Variants in SLC44A5 observed in about 807,000 individuals in gnomAD.
The protein encoded by SLC44A5 is choline transporter-like protein 5.
A neutral mutation model predicts 101.8 loss-of-function variants in SLC44A5; 57 were observed. The ratio of observed to expected loss-of-function variants is 0.56; its 90% CI spans 0.45 to 0.70. The LOEUF (loss-of-function observed/expected upper bound fraction) is 0.70, where lower values mean the gene tolerates loss of function less well. Among genes scored for constraint, SLC44A5 ranks in the 30% least tolerant of loss-of-function variants. The pLI, the probability that SLC44A5 is intolerant of heterozygous loss-of-function variation, is 0.00. For missense variants in SLC44A5, 737 were observed against 853.1 expected (o/e 0.86, Z 1.70); for synonymous variants, 281 against 290.9 (o/e 0.97, Z 0.35).
At chr1:75,335,425 T>C (rs559691640) in intron 4 of SLC44A5, among the ~76,000 whole-genome samples, 6 of 152,204 alleles carry the variant, frequency 3.9e-5, no homozygotes, top group Non-Finnish European at 7.3e-5. Context: ...GCAAACTACA[T>C]GAAAAACCTA....
chr1:75,449,326 T>C (rs1215658871), intron 2 of SLC44A5, among the ~76,000 whole-genome samples: 2 of 152,258 alleles, frequency 1.3e-5, no homozygotes, highest in Non-Finnish European at 2.9e-5. Context: ...TTCATGAGAC[T>C]GGTCTGGCTT....
intron 7 of SLC44A5, among the ~76,000 whole-genome samples, chr1:75,243,717 G>T (rs1255131935): frequency 6.6e-6 from 1 of 152,032 alleles, no homozygotes; most frequent in Non-Finnish European, 1.5e-5. Context: ...TACTGGTATA[G>T]TTTGGTTATT....
intron 1 of SLC44A5, among the ~76,000 whole-genome samples, chr1:75,562,510 C>T (rs1393158040): frequency 6.6e-6 from 1 of 151,964 alleles, no homozygotes; most frequent in African/African-American, 2.4e-5. Flanking sequence ...CCAGCCTGGG[C>T]AACATGGAGA....
At chr1:75,307,033 C>T (rs1384507924) in intron 4 of SLC44A5, among the ~76,000 whole-genome samples, 1 of 152,024 alleles carries the variant, frequency 6.6e-6, no homozygotes, top group Non-Finnish European at 1.5e-5. Context: ...CCACCGCGCC[C>T]GGCCGGTTTC....
At chr1:75,438,165 G>A (rs1169429817) in intron 2 of SLC44A5, among the ~76,000 whole-genome samples, 1 of 152,098 alleles carries the variant, frequency 6.6e-6, no homozygotes, top group East Asian at 1.9e-4. Flanking sequence ...AAGAAATGGG[G>A]AGAAATCATG....
the SLC44A5 span, among the ~76,000 whole-genome samples, chr1:75,629,145 GAGA>G: frequency 1.3e-5 from 2 of 152,114 alleles, no homozygotes; most frequent in African/African-American, 2.4e-5. Context: ...AGGGAAAGTG[GAGA>G]AGAAGCATGT....
intron 6 of SLC44A5, among the ~76,000 whole-genome samples, chr1:75,259,830 T>A (rs1049913126): frequency 1.3e-5 from 2 of 152,114 alleles, no homozygotes; most frequent in African/African-American, 2.4e-5. Flanking sequence ...ACAGCAGATC[T>A]CTTAGCAGAA....
intron 2 of SLC44A5, among the ~76,000 whole-genome samples, chr1:75,464,726 G>A (rs1460541852): frequency 6.6e-6 from 1 of 152,146 alleles, no homozygotes; most frequent in East Asian, 1.9e-4. Flanking sequence ...GACAGCAGGA[G>A]TCACTATGCT....
chr1:75,262,283 C>T (rs1650586131), intron 6 of SLC44A5, among the ~76,000 whole-genome samples: 1 of 152,196 alleles, frequency 6.6e-6, no homozygotes, highest in African/African-American at 2.4e-5. Context: ...ACAACTTCAG[C>T]AAAGTCTCAG....
chr1:75,530,717 G>A (rs546216900), intron 2 of SLC44A5, among the ~76,000 whole-genome samples: 2 of 152,030 alleles, frequency 1.3e-5, no homozygotes, highest in Non-Finnish European at 2.9e-5. Flanking sequence ...GGTACTTTAC[G>A]AGTGACCCTG....
At chr1:75,426,043 G>A (rs936427729) in intron 2 of SLC44A5, among the ~76,000 whole-genome samples, 1 of 141,298 alleles carries the variant, frequency 7.1e-6, no homozygotes, top group Non-Finnish European at 1.6e-5. Flanking sequence ...AGGTGTCAGA[G>A]GTGTTACAGG....
At chr1:75,211,060 G>A (rs1646843506) in intron 23 of SLC44A5, among the ~76,000 whole-genome samples, 1 of 152,108 alleles carries the variant, frequency 6.6e-6, no homozygotes, top group Non-Finnish European at 1.5e-5. Context: ...CAAATTTCAA[G>A]TTAACAATAC....
chr1:75,692,127 C>T, the SLC44A5 span, among the ~76,000 whole-genome samples: 1 of 148,678 alleles, frequency 6.7e-6, no homozygotes, highest in Non-Finnish European at 1.5e-5. Flanking sequence ...AAGTAAAAAA[C>T]ACAGAGAGAG....
chr1:75,397,255 CA>C (rs1416951875), intron 2 of SLC44A5, among the ~76,000 whole-genome samples: 1 of 152,138 alleles, frequency 6.6e-6, no homozygotes, highest in East Asian at 1.9e-4. Flanking sequence ...TGAACAATAA[CA>C]GCATCCTAAT....
chr1:75,494,379 C>T (rs1056440099), intron 2 of SLC44A5, among the ~76,000 whole-genome samples: 1 of 152,134 alleles, frequency 6.6e-6, no homozygotes, highest in Non-Finnish European at 1.5e-5. Flanking sequence ...GAACCTGGAC[C>T]ACACATGTAG....
chr1:75,586,136 G>A (rs1478453946), intron 1 of SLC44A5, among the ~76,000 whole-genome samples: 1 of 152,134 alleles, frequency 6.6e-6, no homozygotes, highest in Non-Finnish European at 1.5e-5. Flanking sequence ...TGCCTAATAT[G>A]GGTGGGCATC....
the SLC44A5 span, among the ~76,000 whole-genome samples, chr1:75,644,843 A>T: frequency 6.8e-6 from 1 of 147,418 alleles, no homozygotes; most frequent in East Asian, 2.0e-4. Flanking sequence ...CCTGTGTCCA[A>T]GTGTTATTGT....
the SLC44A5 span, among the ~76,000 whole-genome samples, chr1:75,662,188 T>C: frequency 5.0e-4 from 76 of 152,232 alleles, no homozygotes; most frequent in African/African-American, 1.6e-3. Context: ...AATGAAATCC[T>C]GTCATTTGCA....
Position 75,374,033 on chromosome 1 carries a change from G to A in SLC44A5, c.52+22550C>T, listed in dbSNP as rs1660402893. 2.0e-5 allele frequency among the ~76,000 whole-genome samples: 3 copies of A among 152,286 alleles called. No homozygotes were observed. In the East Asian group the frequency reaches 5.8e-4, roughly 30 times the overall value. On this transcript the variant is annotated intron_variant, in intron 3 of 23. Transcript: ENST00000370859. ...ACCAGACCAGTCCAGAAAGGGTGTA[G>A]CCTGTTAGCTGCAGCTTCTGCCCCA... is the stretch of plus-strand genomic sequence containing the variant.
Sources: allele counts gnomAD v4.1 joint callset (sites outside exome capture counted in the v4.1 genomes callset), GRCh38; gene constraint gnomAD v4.1.1; transcripts MANE v1.5; gene names NCBI Gene and HGNC (gene_info 2026-07-23, HGNC 2026-07-21).